Variants in SH2D4A observed in about 807,000 individuals in gnomAD.
The protein encoded by SH2D4A is SH2 domain-containing protein 4A.
Under a neutral mutation model 64.7 loss-of-function variants are expected in SH2D4A, and 70 were observed. The observed-to-expected ratio is 1.08, with a 90% CI of 0.89 to 1.32. The LOEUF (loss-of-function observed/expected upper bound fraction) is 1.32. Ranked by LOEUF, SH2D4A falls within the 40% of genes most tolerant of loss-of-function variation. The pLI is 0.00. For missense variants in SH2D4A, 706 were observed against 540.1 expected (o/e 1.31, Z -3.04); for synonymous variants, 268 against 200.7 (o/e 1.34, Z -2.83).
chr8:19,317,861 G>A (rs1033923260), intron 1 of SH2D4A, among the ~76,000 whole-genome samples: 5 of 151,974 alleles, frequency 3.3e-5, no homozygotes, highest in Non-Finnish European at 7.4e-5. Flanking sequence ...GATTATTGAG[G>A]TGTTATTATA....
At position 19,364,058 on chromosome 8, in the gene SH2D4A, C is replaced by T. The variant is rs559175494; in HGVS notation, c.707-14C>T. The T allele has an allele frequency of 4.9e-5, 79 of 1,613,380 alleles. No individual in the cohort carries two copies. The South Asian group carries it at 6.4e-4, about 13-fold the overall frequency. On this transcript the variant is annotated splice_polypyrimidine_tract_variant and intron_variant, in intron 6 of 9. Transcript: ENST00000265807. ...GGCTGATGAGGGTTTTCTCCGACCC[C>T]GTTGTTTTTCCAGTGCGAAAATCCA...
chr8:19,358,630 G>T (rs917032554), intron 5 of SH2D4A, among the ~76,000 whole-genome samples: 57 of 152,180 alleles, frequency 3.7e-4, no homozygotes, highest in African/African-American at 1.4e-3. Flanking sequence ...TGGGGAAAGG[G>T]CTGATCATTT....
Position 19,334,804 on chromosome 8 carries a change from G to C in SH2D4A, c.460G>C (p.Glu154Gln). The C allele has an allele frequency of 6.2e-7, 1 of 1,614,014 alleles. No homozygotes were observed. The highest frequency in any genetic ancestry group is 8.5e-7 in the Non-Finnish European group (1 of 1,179,986). ...DIWKKVAEKEELEQGSRPAPT... is the reference protein window; with the variant it reads ...DIWKKVAEKEQLEQGSRPAPT... The stretch of plus-strand genomic sequence containing the variant: ...CTGGAAGAAAGTGGCAGAAAAGGAG[G>C]AACTGGAGCAAGGATCGAGGCCAGC... The change falls in exon 4 of 10, where the codon GAA (glutamate) becomes CAA (glutamine). Residue 154 changes from glutamate (E) to glutamine (Q), a missense_variant. Coordinates refer to ENST00000265807, the MANE Select transcript of SH2D4A (RefSeq NM_022071.4).
chr8:19,330,552 C>T (rs936768645), intron 2 of SH2D4A, among the ~76,000 whole-genome samples: 1 of 152,170 alleles, frequency 6.6e-6, no homozygotes, highest in African/African-American at 2.4e-5. Flanking sequence ...AGCTTTGAAG[C>T]CCCAACTGCT....
chr8:19,334,480 A>G (rs541243586), intron 3 of SH2D4A, among the ~76,000 whole-genome samples: 1 of 152,186 alleles, frequency 6.6e-6, no homozygotes, highest in Non-Finnish European at 1.5e-5. Flanking sequence ...TAACAAAGTG[A>G]GGATGACAAT....
intron 1 of SH2D4A, among the ~76,000 whole-genome samples, chr8:19,314,950 G>C (rs868541745): frequency 2.0e-5 from 3 of 152,140 alleles, no homozygotes; most frequent in Admixed American, 6.5e-5. Flanking sequence ...CACAGAGCTG[G>C]CTGTTTTAAA....
At chr8:19,381,687 T>C (rs1007129921) in intron 8 of SH2D4A, among the ~76,000 whole-genome samples, 4 of 152,204 alleles carry the variant, frequency 2.6e-5, no homozygotes, top group African/African-American at 9.7e-5. Flanking sequence ...ACAGGAATAG[T>C]TGAATAGAAA....
intron 5 of SH2D4A, among the ~76,000 whole-genome samples, chr8:19,359,328 C>G (rs898621382): frequency 2.0e-5 from 3 of 152,128 alleles, no homozygotes; most frequent in Non-Finnish European, 4.4e-5. Context: ...GTAACATCAA[C>G]CAAGTACTAC....
intron 7 of SH2D4A, among the ~76,000 whole-genome samples, chr8:19,369,109 T>A (rs1292651206): frequency 6.6e-6 from 1 of 152,158 alleles, no homozygotes; most frequent in Non-Finnish European, 1.5e-5. Flanking sequence ...TGTCTTTTAT[T>A]CTGTTAATGT....
intron 4 of SH2D4A, among the ~76,000 whole-genome samples, chr8:19,338,606 G>A (rs542593643): frequency 6.6e-6 from 1 of 152,310 alleles, no homozygotes; most frequent in South Asian, 2.1e-4. Context: ...TGGAGGAAGA[G>A]ACCATACGTG....
chr8:19,343,375 G>T (rs1232308655), intron 4 of SH2D4A, among the ~76,000 whole-genome samples: 1 of 152,120 alleles, frequency 6.6e-6, no homozygotes, highest in Non-Finnish European at 1.5e-5. Context: ...TGAGGTTTCA[G>T]TGAGCTGTGG....
At chr8:19,336,544 G>A (rs1425101149) in intron 4 of SH2D4A, among the ~76,000 whole-genome samples, 1 of 152,016 alleles carries the variant, frequency 6.6e-6, no homozygotes, top group African/African-American at 2.4e-5. Flanking sequence ...TAACAAGAAA[G>A]CTCCTTCCAG....
intron 4 of SH2D4A, 100 bp from the exon 5 acceptor site, chr8:19,357,103 C>A: frequency 2.2e-6 from 2 of 904,986 alleles, no homozygotes; most frequent in Non-Finnish European, 3.5e-6. Flanking sequence ...TCTGTAGGGG[C>A]GGGGGCAGCA....
intron 4 of SH2D4A, among the ~76,000 whole-genome samples, chr8:19,350,783 A>T (rs926220862): frequency 6.6e-6 from 1 of 152,182 alleles, no homozygotes; most frequent in African/African-American, 2.4e-5. Context: ...GCAGCAGCCG[A>T]CAATGTTTAG....
chr8:19,355,646 C>T (rs34246553), intron 4 of SH2D4A, among the ~76,000 whole-genome samples: 33,773 of 152,116 alleles, frequency 0.22, 4,121 homozygotes, highest in Middle Eastern at 0.33. Context: ...CCACAACTCA[C>T]CTGAGACTTG....
rs2053571242 is a variant in SH2D4A at position 19,395,346 on chromosome 8, A to C, written c.*704A>C. On this transcript the variant is annotated 3_prime_UTR_variant, in exon 10 of 10. Coordinates refer to ENST00000265807, the MANE Select transcript of SH2D4A (RefSeq NM_022071.4). ...CACCAAAAGGATAAAGCATCTGTAC[A>C]TGTATTTTTTTATTTTTTATCAGAA... 6.6e-6 allele frequency: 1 copy of C among 152,186 alleles called. No homozygotes were observed. Among genetic ancestry groups the C allele is most frequent in the Non-Finnish European group, 1.5e-5 (1 of 68,026 alleles). 9.4% of individuals were successfully genotyped at this position (152,186 alleles called of 1,614,324 possible). A position where few individuals can be genotyped will look rare whatever the true frequency, so the allele number is the denominator to read the frequency against.
intron 2 of SH2D4A, among the ~76,000 whole-genome samples, chr8:19,321,100 CTATGTGAAGCACATT>C (rs1273126168): frequency 1.3e-5 from 2 of 152,214 alleles, no homozygotes; most frequent in Non-Finnish European, 2.9e-5. Context: ...GTTTCAGACA[CTATGTGAAGCACATT>C]TATGCATATA....
chr8:19,319,311 C>G, intron 1 of SH2D4A, 33 bp from the exon 2 acceptor site: 1 of 1,178,108 alleles, frequency 8.5e-7, no homozygotes, highest in Admixed American at 4.6e-5. Flanking sequence ...CATTTTAACA[C>G]GCTGCCTGAA....
chr8:19,382,172 C>T (rs1445604492), intron 8 of SH2D4A, among the ~76,000 whole-genome samples: 1 of 152,132 alleles, frequency 6.6e-6, no homozygotes, highest in Non-Finnish European at 1.5e-5. Flanking sequence ...ACATTTCTTG[C>T]ATGGCAGGTT....
Sources: allele counts gnomAD v4.1 joint callset (sites outside exome capture counted in the v4.1 genomes callset), GRCh38; gene constraint gnomAD v4.1.1; transcripts MANE v1.5; gene names NCBI Gene and HGNC (gene_info 2026-07-23, HGNC 2026-07-21).